GABBR2: variants seen among roughly 807,000 people sequenced by gnomAD.
GABBR2 encodes the protein gamma-aminobutyric acid type B receptor subunit 2.
Under a neutral mutation model 105.6 loss-of-function variants are expected in GABBR2, and 23 were observed. The ratio of observed to expected loss-of-function variants is 0.22; its 90% confidence interval spans 0.16 to 0.31. The LOEUF is 0.31. Ranked by LOEUF, GABBR2 falls within the 10% of genes least tolerant of loss-of-function variation. The probability of loss-of-function intolerance (pLI) is 1.00; values close to 1 mark genes in which losing one functional copy is unlikely to be tolerated. For missense variants in GABBR2, 734 were observed against 1,245.5 expected, an observed-to-expected ratio of 0.59 and a Z score of 6.18; for synonymous variants, 478 against 499.7, an observed-to-expected ratio of 0.96 and a Z score of 0.58.
intron 1 of GABBR2, among the ~76,000 whole-genome samples, chr9:98,664,598 G>A (rs948083125): frequency 1.3e-5 from 2 of 152,164 alleles, no homozygotes. Flanking sequence ...CCCACTCTCA[G>A]TAACAGTCTG....
At chr9:98,707,858 G>C (rs1484482551) in intron 1 of GABBR2, among the ~76,000 whole-genome samples, 1 of 152,218 alleles carries the variant, frequency 6.6e-6, no homozygotes, top group Admixed American at 6.5e-5. Context: ...CCCGCGCGGA[G>C]CGGGCTCAGA....
At chr9:98,694,787 C>G (rs959770874) in intron 1 of GABBR2, among the ~76,000 whole-genome samples, 16 of 152,176 alleles carry the variant, frequency 1.1e-4, no homozygotes, top group African/African-American at 3.9e-4. Flanking sequence ...TATGAAAAAG[C>G]AGAGCAGACA....
intron 1 of GABBR2, among the ~76,000 whole-genome samples, chr9:98,644,576 T>C (rs1158029822): frequency 6.6e-6 from 1 of 152,172 alleles, no homozygotes; most frequent in African/African-American, 2.4e-5. Context: ...GCGTGGTGGC[T>C]CATGCCTGTA....
intron 1 of GABBR2, among the ~76,000 whole-genome samples, chr9:98,671,298 G>C (rs1830403849): frequency 6.6e-6 from 1 of 152,074 alleles, no homozygotes. Context: ...TGTTTTTAAG[G>C]CCCATCCATG....
intron 4 of GABBR2, among the ~76,000 whole-genome samples, chr9:98,485,539 C>T (rs62575965): frequency 0.24 from 35,802 of 151,944 alleles, 4,678 homozygotes; most frequent in East Asian, 0.52. Context: ...CACACACTCA[C>T]GCACGCACAT....
At chr9:98,606,270 A>G (rs1040244967) in intron 1 of GABBR2, among the ~76,000 whole-genome samples, 2 of 152,098 alleles carry the variant, frequency 1.3e-5, no homozygotes, top group Non-Finnish European at 2.9e-5. Flanking sequence ...ATGATTTATA[A>G]TCCTTTGGGT....
intron 1 of GABBR2, among the ~76,000 whole-genome samples, chr9:98,649,086 C>A (rs1380214610): frequency 1.3e-5 from 2 of 152,118 alleles, no homozygotes; most frequent in African/African-American, 4.8e-5. Flanking sequence ...TGGATGTCTC[C>A]AAATCCAGGT....
intron 3 of GABBR2, among the ~76,000 whole-genome samples, chr9:98,526,659 T>A (rs758247320): frequency 6.6e-6 from 1 of 152,204 alleles, no homozygotes; most frequent in Non-Finnish European, 1.5e-5. Context: ...TTTGTTTCAC[T>A]CACTGATGTG....
chr9:98,458,889 T>A (rs1347771518), intron 6 of GABBR2, among the ~76,000 whole-genome samples: 1 of 152,250 alleles, frequency 6.6e-6, no homozygotes. Flanking sequence ...TTATTGGATC[T>A]TTTCAGTAGC....
chr9:98,622,153 T>G (rs545572908), intron 1 of GABBR2, among the ~76,000 whole-genome samples: 14 of 152,290 alleles, frequency 9.2e-5, no homozygotes, highest in Admixed American at 7.2e-4. Context: ...TATTTTATTT[T>G]ACTTTATTTG....
chr9:98,576,305 T>C (rs1017824100), intron 2 of GABBR2, among the ~76,000 whole-genome samples: 1 of 152,226 alleles, frequency 6.6e-6, no homozygotes, highest in Admixed American at 6.5e-5. Context: ...GTTCCACGAA[T>C]ACACCAGGTC....
chr9:98,535,180 C>A (rs995121038), intron 3 of GABBR2, among the ~76,000 whole-genome samples: 1 of 152,160 alleles, frequency 6.6e-6, no homozygotes, highest in Non-Finnish European at 1.5e-5. Context: ...TCACTGCAAC[C>A]TCCACCTCTC....
intron 11 of GABBR2, among the ~76,000 whole-genome samples, chr9:98,374,512 T>A (rs906555769): frequency 1.3e-5 from 2 of 152,346 alleles, no homozygotes; most frequent in East Asian, 3.9e-4. Context: ...CAGCTCACTG[T>A]GCCTGAACTG....
chr9:98,659,469 C>T (rs1745538491), intron 1 of GABBR2, among the ~76,000 whole-genome samples: 1 of 151,006 alleles, frequency 6.6e-6, no homozygotes, highest in Admixed American at 6.6e-5. Flanking sequence ...AGTCACAGTC[C>T]CATATTATTT....
intron 3 of GABBR2, among the ~76,000 whole-genome samples, chr9:98,515,307 A>G (rs1827735911): frequency 6.6e-6 from 1 of 152,150 alleles, no homozygotes; most frequent in Non-Finnish European, 1.5e-5. Flanking sequence ...ACCCCTGCAG[A>G]AATAGGACAG....
At chr9:98,506,667 G>A (rs1827518474) in intron 3 of GABBR2, among the ~76,000 whole-genome samples, 1 of 152,216 alleles carries the variant, frequency 6.6e-6, no homozygotes. Context: ...GACATATGGG[G>A]CCTGAGGGCA....
intron 11 of GABBR2, among the ~76,000 whole-genome samples, chr9:98,383,240 C>T (rs1588132639): frequency 6.6e-6 from 1 of 152,210 alleles, no homozygotes; most frequent in East Asian, 1.9e-4. Context: ...TGCACCTTGC[C>T]CCAGGAGGCC....
intron 5 of GABBR2, among the ~76,000 whole-genome samples, chr9:98,475,593 C>T (rs994257571): frequency 6.6e-6 from 1 of 152,178 alleles, no homozygotes; most frequent in African/African-American, 2.4e-5. Flanking sequence ...GCACTATTAT[C>T]TAAATTTTAT....
intron 7 of GABBR2, among the ~76,000 whole-genome samples, chr9:98,443,750 G>A (rs1343033677): frequency 6.6e-6 from 1 of 152,158 alleles, no homozygotes; most frequent in Non-Finnish European, 1.5e-5. Context: ...CACTGTCAAG[G>A]GGCTCAGAGT....
Sources: gnomAD v4.1 joint callset for allele counts (sites outside exome capture counted in the v4.1 genomes callset) on GRCh38, gnomAD v4.1.1 for gene constraint, MANE v1.5 for transcripts, NCBI Gene and HGNC (gene_info 2026-07-23, HGNC 2026-07-21) for gene names.